PHIP: variants seen among roughly 807,000 people sequenced by gnomAD.
PHIP encodes PHIP subunit of CUL4-Ring ligase complex, also known as PH-interacting protein.
PHIP carries 54 observed loss-of-function variants against 236.8 expected under a neutral mutation model. The ratio of observed to expected loss-of-function variants is 0.23; its 90% CI spans 0.18 to 0.29. PHIP has a LOEUF of 0.29. PHIP is among the 10% of genes least tolerant of loss of function. PHIP has a pLI of 1.00. For synonymous variants in PHIP, 756 were observed against 718.9 expected, an observed-to-expected ratio of 1.05 and a Z score of -0.83; for missense variants, 1,370 against 2,190.8, an observed-to-expected ratio of 0.63 and a Z score of 7.48.
intron 4 of PHIP, 32 bp from the exon 5 acceptor site, chr6:79,060,850 C>T (rs1418085519): frequency 7.2e-7 from 1 of 1,395,668 alleles, no homozygotes; most frequent in Non-Finnish European, 9.7e-7. Context: ...TAGTAGGTTT[C>T]AGTTTATCAT....
rs1209534734 is a variant in PHIP at position 78,939,988 on chromosome 6, G to C, written c.*705C>G. On this transcript the variant is annotated 3_prime_UTR_variant, in exon 40 of 40. Coordinates refer to ENST00000275034, the MANE Select transcript of PHIP (RefSeq NM_017934.7). Reference sequence around the variant, plus strand: ...GTCTTTGGCACAATAAACAGAGATTGAGTGATATAAGAATCAAGGTCTGAA... The same window carrying C: ...GTCTTTGGCACAATAAACAGAGATTCAGTGATATAAGAATCAAGGTCTGAA... 6.6e-6 allele frequency: 1 copy of C among 152,470 alleles called. No homozygotes were observed. The highest frequency in any genetic ancestry group is 2.4e-5 in the African/African-American group (1 of 41,446). The allele number at this position is 152,470 out of a possible 1,614,324, so 9.4% of individuals were successfully genotyped here. A position where few individuals can be genotyped will look rare whatever the true frequency, so the allele number is the denominator to read the frequency against.
intron 22 of PHIP, 121 bp downstream of exon 22, chr6:78,985,231 C>A: frequency 1.5e-6 from 1 of 661,806 alleles, no homozygotes; most frequent in South Asian, 1.9e-5. Flanking sequence ...CATACAACTT[C>A]AAAAACTCTC....
chr6:79,011,409 A>G (rs541439038), intron 15 of PHIP, among the ~76,000 whole-genome samples: 1 of 152,010 alleles, frequency 6.6e-6, no homozygotes, highest in East Asian at 1.9e-4. Context: ...CTTAAAAAAG[A>G]AAAACAACAA....
intron 6 of PHIP, among the ~76,000 whole-genome samples, chr6:79,056,541 C>T (rs189914121): frequency 1.3e-3 from 198 of 152,120 alleles, no homozygotes; most frequent in African/African-American, 4.7e-3. Flanking sequence ...TAATTTTGCC[C>T]AGGAGATATT....
intron 7 of PHIP, 64 bp from the exon 8 acceptor site, chr6:79,026,228 T>G: frequency 8.7e-7 from 1 of 1,143,016 alleles, no homozygotes; most frequent in Non-Finnish European, 1.3e-6. Flanking sequence ...ATCTTAACAC[T>G]GATAAATCTA....
intron 20 of PHIP, among the ~76,000 whole-genome samples, chr6:78,989,361 G>A (rs1222267741): frequency 6.6e-6 from 1 of 152,210 alleles, no homozygotes; most frequent in East Asian, 1.9e-4. Flanking sequence ...GTCCAAGGCT[G>A]CAGTCAGCTA....
At chr6:78,949,997 G>A (rs1468372140) in intron 35 of PHIP, among the ~76,000 whole-genome samples, 2 of 151,982 alleles carry the variant, frequency 1.3e-5, no homozygotes, top group East Asian at 3.9e-4. Context: ...CCTGGGACTC[G>A]AGTATAATAA....
intron 4 of PHIP, among the ~76,000 whole-genome samples, chr6:79,069,430 A>G (rs1773784071): frequency 6.6e-6 from 1 of 151,928 alleles, no homozygotes; most frequent in Non-Finnish European, 1.5e-5. Context: ...CTTTGTGCTG[A>G]GTGTTCCCAA....
intron 7 of PHIP, 151 bp from the exon 8 acceptor site, chr6:79,026,315 G>A: frequency 1.6e-6 from 1 of 642,800 alleles, no homozygotes; most frequent in South Asian, 1.9e-5. Context: ...CTTACACAAA[G>A]CTCTTTATTA....
At chr6:79,042,391 T>C (rs1363174719) in intron 7 of PHIP, among the ~76,000 whole-genome samples, 2 of 151,976 alleles carry the variant, frequency 1.3e-5, no homozygotes, top group East Asian at 1.9e-4. Flanking sequence ...TTTTTTAAAA[T>C]CACTATTTTA....
chr6:79,064,396 A>G (rs188846102), intron 4 of PHIP, among the ~76,000 whole-genome samples: 1 of 152,140 alleles, frequency 6.6e-6, no homozygotes, highest in African/African-American at 2.4e-5. Context: ...CTCCGGAAAC[A>G]TGTTTTTAAA....
intron 7 of PHIP, among the ~76,000 whole-genome samples, chr6:79,042,438 C>T (rs1582272357): frequency 2.0e-5 from 3 of 152,026 alleles, no homozygotes; most frequent in Admixed American, 1.3e-4. Flanking sequence ...TGATTTTCTA[C>T]AGATAATATA....
intron 24 of PHIP, among the ~76,000 whole-genome samples, chr6:78,973,178 C>A (rs1582140931): frequency 1.3e-5 from 2 of 152,240 alleles, no homozygotes; most frequent in African/African-American, 4.8e-5. Flanking sequence ...CAGCGGATCT[C>A]TCAGCAGAAA....
chr6:79,045,389 A>AG (rs1399499065), intron 6 of PHIP, among the ~76,000 whole-genome samples: 1 of 152,200 alleles, frequency 6.6e-6, no homozygotes, highest in Non-Finnish European at 1.5e-5. Flanking sequence ...AGGATGAGCT[A>AG]GGACTCACAT....
In PHIP at chr6:78,954,202, C is replaced by A. The variant is rs555210864; in HGVS notation, c.4053+612G>T. 1.9e-3 allele frequency among the ~76,000 whole-genome samples: 287 copies of A among 152,046 alleles called. 3 individuals are homozygous for A. Among genetic ancestry groups the A allele is most frequent in the Non-Finnish European group, 1.5e-3 (104 of 67,956 alleles). ...CTGCAAGCTCCACCTCCCGGGTTCA[C>A]GCCATTCTCCTGCCTCAGCCTCCCA... On this transcript the variant is annotated intron_variant, in intron 35 of 39. Transcript: ENST00000275034.
At chr6:78,988,176 G>T in intron 21 of PHIP, 33 bp downstream of exon 21, 3 of 1,433,640 alleles carry the variant, frequency 2.1e-6, no homozygotes, top group South Asian at 1.4e-5. Flanking sequence ...AAGTAAAAAT[G>T]ACATCTAATT....
In PHIP at chr6:79,073,819, T is replaced by C. The variant is rs1315172573; in HGVS notation, c.189+3629A>G. Reference sequence around the variant, plus strand: ...TCATCTTTGCAACAAGAAATGATATTACCACCAAAGAATGGCACTATGAAA... The same window carrying C: ...TCATCTTTGCAACAAGAAATGATATCACCACCAAAGAATGGCACTATGAAA... On this transcript the variant is annotated intron_variant, in intron 4 of 39. Coordinates refer to ENST00000275034, the MANE Select transcript of PHIP (RefSeq NM_017934.7). 2.6e-5 allele frequency among the ~76,000 whole-genome samples: 4 copies of C among 152,166 alleles called. No individual in the cohort carries two copies. The East Asian group carries it at 7.7e-4, about 29-fold the overall frequency.
At chr6:79,008,177 A>C (rs1456895536) in intron 15 of PHIP, among the ~76,000 whole-genome samples, 1 of 151,846 alleles carries the variant, frequency 6.6e-6, no homozygotes, top group Non-Finnish European at 1.5e-5. Flanking sequence ...GTGACAGAGC[A>C]AGACTCCGTC....
chr6:79,038,931 T>C lies in PHIP; in HGVS notation c.600+3912A>G, dbSNP rs1562199804. ...AGAAGTGAAAAAATATGTCATCCTA[T>C]ACTCTTCCATCTCACTCCCTACATA... On this transcript the variant is annotated intron_variant, in intron 7 of 39. Coordinates refer to ENST00000275034, the MANE Select transcript of PHIP (RefSeq NM_017934.7). Among the ~76,000 whole-genome samples, 4 of 152,206 alleles carry C rather than the reference T, an allele frequency of 2.6e-5. No individual in the cohort carries two copies. The South Asian group carries it at 8.3e-4, about 31-fold the overall frequency.
Sources: gnomAD v4.1 joint callset for allele counts (sites outside exome capture counted in the v4.1 genomes callset) on GRCh38, gnomAD v4.1.1 for gene constraint, MANE v1.5 for transcripts, NCBI Gene and HGNC (gene_info 2026-07-23, HGNC 2026-07-21) for gene names.